ZBTB20: variants seen among roughly 807,000 people sequenced by gnomAD.
ZBTB20 encodes zinc finger and BTB domain containing 20.
Under a neutral mutation model 56.9 loss-of-function variants are expected in ZBTB20, and 9 were observed. That is an observed-to-expected ratio of 0.16 (90% CI 0.10 to 0.28). The LOEUF (loss-of-function observed/expected upper bound fraction) is 0.28. ZBTB20 is among the 10% of genes least tolerant of loss of function. The pLI is 1.00. For missense variants in ZBTB20, 655 were observed against 1,003.0 expected (o/e 0.65, Z 4.69); for synonymous variants, 417 against 420.7 (o/e 0.99, Z 0.11).
chr3:114,474,370 C>T (rs1046242228), intron 7 of ZBTB20, among the ~76,000 whole-genome samples: 2 of 152,350 alleles, frequency 1.3e-5, no homozygotes, highest in South Asian at 4.1e-4. Flanking sequence ...CATATCTGCA[C>T]ACCACTTATG....
intron 3 of ZBTB20, among the ~76,000 whole-genome samples, chr3:114,905,668 C>T (rs558994895): frequency 3.3e-5 from 5 of 151,968 alleles, no homozygotes; most frequent in African/African-American, 9.6e-5. Context: ...AAGTTATTCC[C>T]AATCTTTAAA....
chr3:114,937,765 A>T (rs1242316515), intron 3 of ZBTB20, among the ~76,000 whole-genome samples: 1 of 151,948 alleles, frequency 6.6e-6, no homozygotes, highest in African/African-American at 2.4e-5. Flanking sequence ...TCCTTCAGCC[A>T]CGTTTTGATA....
chr3:114,358,317 G>T (rs2081457517), intron 10 of ZBTB20, among the ~76,000 whole-genome samples: 1 of 152,106 alleles, frequency 6.6e-6, no homozygotes, highest in Non-Finnish European at 1.5e-5. Context: ...GGGGAACAAA[G>T]AGGCAAAATT....
At chr3:115,010,689 C>T (rs2079664483) in intron 2 of ZBTB20, among the ~76,000 whole-genome samples, 1 of 151,854 alleles carries the variant, frequency 6.6e-6, no homozygotes, top group South Asian at 2.1e-4. Flanking sequence ...TACAAATAAA[C>T]CCAGAAGGTG....
chr3:115,117,894 T>C (rs928016168), intron 1 of ZBTB20, among the ~76,000 whole-genome samples: 1 of 152,200 alleles, frequency 6.6e-6, no homozygotes, highest in Non-Finnish European at 1.5e-5. Context: ...TAATTATTCA[T>C]GGGCCATACA....
At chr3:114,811,863 C>G (rs1006933238) in intron 4 of ZBTB20, among the ~76,000 whole-genome samples, 29 of 152,120 alleles carry the variant, frequency 1.9e-4, no homozygotes, top group Non-Finnish European at 1.3e-4. Context: ...TAAGTGTGTC[C>G]GGAATTGGTG....
At chr3:114,818,495 G>C (rs796403948) in intron 4 of ZBTB20, among the ~76,000 whole-genome samples, 46 of 152,012 alleles carry the variant, frequency 3.0e-4, no homozygotes, top group African/African-American at 1.1e-3. Context: ...ACAATTTCTG[G>C]CATATAGTAA....
chr3:114,640,979 T>C (rs1460390180), intron 6 of ZBTB20, among the ~76,000 whole-genome samples: 1 of 152,024 alleles, frequency 6.6e-6, no homozygotes, highest in Non-Finnish European at 1.5e-5. Context: ...CTTTGAAGCT[T>C]AGGTTTGAAT....
At chr3:114,359,769 A>T (rs79116565) in intron 10 of ZBTB20, among the ~76,000 whole-genome samples, 1,856 of 152,324 alleles carry the variant, frequency 0.012, 38 homozygotes, top group African/African-American at 0.042. Context: ...TTAAAGAAGG[A>T]TCTGTATATT....
chr3:114,732,601 G>A (rs1006513916), intron 5 of ZBTB20, among the ~76,000 whole-genome samples: 2 of 152,146 alleles, frequency 1.3e-5, no homozygotes, highest in African/African-American at 2.4e-5. Flanking sequence ...CATTCTGGGT[G>A]ACTTCCTTTG....
At chr3:114,707,590 A>G (rs555784652) in intron 5 of ZBTB20, among the ~76,000 whole-genome samples, 13 of 152,326 alleles carry the variant, frequency 8.5e-5, no homozygotes, top group African/African-American at 3.1e-4. Flanking sequence ...TCGGGAACTC[A>G]AAGCTACCAC....
rs567854337 is a variant in ZBTB20, at chr3:114,873,797, C to T, written c.-417+26507G>A. ...AGCCAAATTCCCAAAGGGCCCCCAA[C>T]AGGCTTTCTCAATTTGTGGGCGCTG... is the stretch of plus-strand genomic sequence containing the variant. On this transcript the variant is annotated intron_variant, in intron 4 of 11. Coordinates refer to ENST00000675478, the MANE Select transcript of ZBTB20 (RefSeq NM_001348800.3). 3 of 152,328 alleles carry T rather than the reference C, an allele frequency of 2.0e-5. No individual in the cohort carries two copies. In the East Asian group the frequency reaches 5.8e-4, roughly 29 times the overall value. 9.4% of individuals were successfully genotyped at this position (152,328 alleles called of 1,614,324 possible).
Position 114,615,071 on chromosome 3 carries a change from G to A in ZBTB20, c.-295+78457C>T, listed in dbSNP as rs187165296. Among the ~76,000 whole-genome samples, 296 of 152,232 alleles carry A rather than the reference G, an allele frequency of 1.9e-3. 1 individual carries two copies. The highest frequency in any genetic ancestry group is 6.9e-3 in the African/African-American group (286 of 41,546). On this transcript the variant is annotated intron_variant, in intron 6 of 11. Transcript: ENST00000675478. ...CATGAGCCACCGCGCCCAGCCTGTA[G>A]TGCCCACTTTTGACAAAGTTGATTG...
intron 4 of ZBTB20, among the ~76,000 whole-genome samples, chr3:114,809,355 A>C (rs879576126): frequency 6.6e-6 from 1 of 151,930 alleles, no homozygotes; most frequent in Non-Finnish European, 1.5e-5. Flanking sequence ...AGCTCTGCTC[A>C]TTTTTTCATT....
chr3:114,863,834 T>C (rs1360531990), intron 4 of ZBTB20, among the ~76,000 whole-genome samples: 1 of 152,014 alleles, frequency 6.6e-6, no homozygotes, highest in Non-Finnish European at 1.5e-5. Context: ...TAAACTTCAC[T>C]CTATAAGAAA....
At chr3:114,748,310 C>CTTTCT (rs1343683240) in intron 5 of ZBTB20, among the ~76,000 whole-genome samples, 1 of 134,836 alleles carries the variant, frequency 7.4e-6, no homozygotes, top group Non-Finnish European at 1.6e-5. Flanking sequence ...TTCTTTCTTT[C>CTTTCT]TTTCTTTCTT....
intron 6 of ZBTB20, among the ~76,000 whole-genome samples, chr3:114,541,957 T>A (rs1047832107): frequency 6.6e-6 from 1 of 152,194 alleles, no homozygotes; most frequent in African/African-American, 2.4e-5. Context: ...GAGTTTATAG[T>A]AATAGATCAA....
chr3:114,810,612 T>A (rs2072450423), intron 4 of ZBTB20, among the ~76,000 whole-genome samples: 1 of 152,232 alleles, frequency 6.6e-6, no homozygotes, highest in Non-Finnish European at 1.5e-5. Context: ...TGTCCCAACA[T>A]AACTTTTAAT....
intron 6 of ZBTB20, among the ~76,000 whole-genome samples, chr3:114,674,512 T>C (rs1046892419): frequency 6.6e-6 from 1 of 152,248 alleles, no homozygotes; most frequent in African/African-American, 2.4e-5. Context: ...TACCTTGCTC[T>C]ATTTTTAATT....
Sources: gnomAD v4.1 joint callset for allele counts (sites outside exome capture counted in the v4.1 genomes callset) on GRCh38, gnomAD v4.1.1 for gene constraint, MANE v1.5 for transcripts, NCBI Gene and HGNC (gene_info 2026-07-23, HGNC 2026-07-21) for gene names.